TMEM233: variants seen among roughly 807,000 people sequenced by gnomAD.
TMEM233 encodes the protein dispanin subfamily B member 2.
Under a neutral mutation model 11.2 loss-of-function variants are expected in TMEM233, and 6 were observed. The observed-to-expected ratio is 0.54, with a 90% confidence interval of 0.29 to 1.06. The LOEUF is 1.06. Among genes scored for constraint, TMEM233 ranks in the 50% least tolerant of loss-of-function variants. The pLI, the probability that TMEM233 is intolerant of heterozygous loss-of-function variation, is 0.08. For missense variants in TMEM233, 127 were observed against 144.7 expected (o/e 0.88, Z 0.63); for synonymous variants, 59 against 55.8 (o/e 1.06, Z -0.26).
chr12:119,600,346 C>A (rs1954136469), intron 1 of TMEM233, among the ~76,000 whole-genome samples: 5 of 133,228 alleles, frequency 3.8e-5, no homozygotes, highest in African/African-American at 1.1e-4. Context: ...GCCAGAGAAG[C>A]AAAACAGAGC....
downstream of TMEM233, among the ~76,000 whole-genome samples, chr12:119,646,102 G>A (rs1955148521): frequency 6.6e-6 from 1 of 150,904 alleles, no homozygotes; most frequent in African/African-American, 2.4e-5. Flanking sequence ...CTGTTGCCCA[G>A]GCTTGAGTAC....
chr12:119,600,822 G>T (rs1380106800), intron 1 of TMEM233, among the ~76,000 whole-genome samples: 1 of 152,150 alleles, frequency 6.6e-6, no homozygotes, highest in Non-Finnish European at 1.5e-5. Flanking sequence ...AATGGGTATG[G>T]AGTTTCAATT....
At position 119,620,189 on chromosome 12, in the gene TMEM233, C is replaced by T. The variant is rs144078537; in HGVS notation, c.187-9547C>T. Among the ~76,000 whole-genome samples, 786 of 152,262 alleles carry T rather than the reference C, an allele frequency of 5.2e-3. 11 individuals carry two copies. Among genetic ancestry groups the T allele is most frequent in the African/African-American group, 0.018 (740 of 41,538 alleles). ...CTGAAGTGTGAAAAGATGGCTCAAC[C>T]TCACCATTAATTAATGGAATCTTAT... On this transcript the variant is annotated intron_variant, in intron 1 of 2. Coordinates refer to ENST00000426426, the MANE Select transcript of TMEM233 (RefSeq NM_001136534.3).
rs56347532 is a variant in TMEM233, at chr12:119,640,856, G to GAAAAAAAAA, written c.*160_*168dup. ...AGGCAGGTCCCTGGCAAATGAACAAGAAAAAAAAAAAAAAAAAGTCCAAAA... is the reference window on the plus strand; with the variant it reads ...AGGCAGGTCCCTGGCAAATGAACAAGAAAAAAAAAAAAAAAAAAAAAAAAAAGTCCAAAA... On this transcript the variant is annotated 3_prime_UTR_variant, in exon 3 of 3. Coordinates refer to ENST00000426426, the MANE Select transcript of TMEM233 (RefSeq NM_001136534.3). The GAAAAAAAAA allele has an allele frequency of 1.3e-5, 5 of 394,494 alleles. No individual in the cohort carries two copies. The highest frequency in any genetic ancestry group is 3.1e-5 in the African/African-American group (1 of 32,122). The allele number at this position is 394,494 out of a possible 1,614,324, so 24.4% of individuals were successfully genotyped here. A position where few individuals can be genotyped will look rare whatever the true frequency, so the allele number is the denominator to read the frequency against.
chr12:119,604,433 G>T (rs866201888), intron 1 of TMEM233, among the ~76,000 whole-genome samples: 2 of 152,114 alleles, frequency 1.3e-5, no homozygotes, highest in East Asian at 3.9e-4. Context: ...TTCTTGGATC[G>T]TAAGGCTAAT....
intron 1 of TMEM233, among the ~76,000 whole-genome samples, chr12:119,627,782 C>T (rs560702127): frequency 4.6e-5 from 7 of 152,122 alleles, no homozygotes. Context: ...GATTGAAGAC[C>T]GGCTGAAACA....
At chr12:119,620,346 G>C (rs946473949) in intron 1 of TMEM233, among the ~76,000 whole-genome samples, 10 of 152,138 alleles carry the variant, frequency 6.6e-5, no homozygotes, top group African/African-American at 2.4e-4. Flanking sequence ...TTTCTGCAGG[G>C]CAATTTGGCT....
At chr12:119,604,915 G>T (rs1954236859) in intron 1 of TMEM233, among the ~76,000 whole-genome samples, 1 of 151,958 alleles carries the variant, frequency 6.6e-6, no homozygotes, top group Non-Finnish European at 1.5e-5. Flanking sequence ...TTACAGGCAT[G>T]AGACACCATG....
the TMEM233 span, among the ~76,000 whole-genome samples, chr12:119,652,540 G>A: frequency 6.6e-6 from 1 of 152,170 alleles, no homozygotes; most frequent in Admixed American, 6.6e-5. Context: ...AGCACACAGA[G>A]AACAGAGCTC....
chr12:119,643,582 C>T (rs1211096443), downstream of TMEM233, among the ~76,000 whole-genome samples: 1 of 152,176 alleles, frequency 6.6e-6, no homozygotes, highest in Admixed American at 6.5e-5. Flanking sequence ...TCCTGGCTAA[C>T]ACAGTGAAAC....
intron 1 of TMEM233, among the ~76,000 whole-genome samples, chr12:119,618,734 A>C (rs575680333): frequency 3.3e-5 from 5 of 152,214 alleles, no homozygotes; most frequent in East Asian, 1.9e-4. Context: ...CTGTACCCCC[A>C]TTGTATCTAG....
At chr12:119,612,750 C>CAAAA (rs35540796) in intron 1 of TMEM233, among the ~76,000 whole-genome samples, 1 of 108,554 alleles carries the variant, frequency 9.2e-6, no homozygotes, top group Non-Finnish European at 1.8e-5. Context: ...GACTCCGTCT[C>CAAAA]AAAAAAAAAA....
chr12:119,610,989 T>C (rs995664579), intron 1 of TMEM233, among the ~76,000 whole-genome samples: 1 of 152,238 alleles, frequency 6.6e-6, no homozygotes, highest in African/African-American at 2.4e-5. Flanking sequence ...GGTTCATCCA[T>C]GTTGTAGCAT....
At chr12:119,632,396 G>A (rs1279182760) in intron 2 of TMEM233, among the ~76,000 whole-genome samples, 2 of 152,196 alleles carry the variant, frequency 1.3e-5, no homozygotes, top group Non-Finnish European at 2.9e-5. Context: ...CTGCCGCTAA[G>A]TCAATATGTT....
intron 1 of TMEM233, among the ~76,000 whole-genome samples, chr12:119,620,453 A>G (rs1018272588): frequency 2.0e-4 from 30 of 152,224 alleles, no homozygotes; most frequent in African/African-American, 7.2e-4. Flanking sequence ...GCAAAAATGT[A>G]TGAATTAGAA....
At chr12:119,647,950 T>A (rs1476778576), downstream of TMEM233, among the ~76,000 whole-genome samples, 4 of 152,158 alleles carry the variant, frequency 2.6e-5, no homozygotes, top group Non-Finnish European at 4.4e-5. Context: ...TCAGATCTCA[T>A]CTTCTACCTC....
At position 119,642,562 on chromosome 12, in the gene TMEM233, A is replaced by C. The variant is rs1460240635; in HGVS notation, c.*1857A>C. ...AGTTCCAACGCCCTTTTGTTTTTGC[A>C]GGGTTTTTATTGGCCACTAACTAGC... On this transcript the variant is annotated 3_prime_UTR_variant, in exon 3 of 3. Coordinates refer to ENST00000426426, the MANE Select transcript of TMEM233 (RefSeq NM_001136534.3). The C allele has an allele frequency of 6.6e-6, 1 of 152,194 alleles. No homozygotes were observed. The highest frequency in any genetic ancestry group is 1.5e-5 in the Non-Finnish European group (1 of 68,030). 9.4% of individuals were successfully genotyped at this position (152,194 alleles called of 1,614,324 possible).
intron 1 of TMEM233, among the ~76,000 whole-genome samples, chr12:119,620,123 G>A (rs1005796975): frequency 3.3e-5 from 5 of 152,210 alleles, no homozygotes; most frequent in Non-Finnish European, 7.3e-5. Flanking sequence ...TAAGCTGGAG[G>A]TGAAAAGTCC....
the TMEM233 span, among the ~76,000 whole-genome samples, chr12:119,650,143 G>A: frequency 8.9e-6 from 1 of 112,096 alleles, no homozygotes. Context: ...GGGCAATAGA[G>A]CAAGACTCCA....
Sources: allele counts gnomAD v4.1 joint callset (sites outside exome capture counted in the v4.1 genomes callset), GRCh38; gene constraint gnomAD v4.1.1; transcripts MANE v1.5; gene names NCBI Gene and HGNC (gene_info 2026-07-23, HGNC 2026-07-21).